The following TOP2B variants were observed in gnomAD, a reference collection of about 807,000 sequenced individuals.
The protein encoded by TOP2B is DNA topoisomerase 2-beta.
TOP2B carries 51 observed loss-of-function variants against 193.5 expected under a neutral mutation model. The ratio of observed to expected loss-of-function variants is 0.26; its 90% confidence interval spans 0.21 to 0.33. The LOEUF (loss-of-function observed/expected upper bound fraction) is 0.33, where lower values mean the gene tolerates loss of function less well. Ranked by LOEUF, TOP2B falls within the 10% of genes least tolerant of loss-of-function variation. The pLI, the probability that TOP2B is intolerant of heterozygous loss-of-function variation, is 1.00. For missense variants in TOP2B, 1,378 were observed against 1,909.3 expected (o/e 0.72, Z 5.19); for synonymous variants, 634 against 635.7 (o/e 1.00, Z 0.04).
Position 25,636,253 on chromosome 3 carries a change from T to C in TOP2B, c.640-105A>G, listed in dbSNP as rs139200586. On this transcript the variant is annotated intron_variant, in intron 6 of 35. Coordinates refer to ENST00000264331, the MANE Select transcript of TOP2B (RefSeq NM_001330700.2). ...TTCATTTATCAAACTATATCAATTT[T>C]ACAACTTCACAACAAACCAAACAAA... 924 of 741,236 alleles carry C rather than the reference T, an allele frequency of 1.2e-3. 20 individuals carry two copies. In the East Asian group the frequency reaches 0.019, roughly 16 times the overall value. 45.9% of individuals were successfully genotyped at this position (741,236 alleles called of 1,614,324 possible). A position where few individuals can be genotyped will look rare whatever the true frequency, so the allele number is the denominator to read the frequency against.
At position 25,648,282 on chromosome 3, in the gene TOP2B, A is replaced by C. The variant is rs546215915; in HGVS notation, c.70-2812T>G. ...GTACTGTAGTTTACTACAGCACGAGACGCCACAAGTAAAGCAGACAAAGAC... is the reference window on the plus strand; with the variant it reads ...GTACTGTAGTTTACTACAGCACGAGCCGCCACAAGTAAAGCAGACAAAGAC... On this transcript the variant is annotated intron_variant, in intron 1 of 35. Coordinates refer to ENST00000264331, the MANE Select transcript of TOP2B (RefSeq NM_001330700.2). 8.5e-4 allele frequency among the ~76,000 whole-genome samples: 130 copies of C among 152,336 alleles called. 1 individual carries two copies. The highest frequency in any genetic ancestry group is 6.8e-3 in the Middle Eastern group (2 of 294).
chr3:25,647,750 A>G (rs115252972), intron 1 of TOP2B, among the ~76,000 whole-genome samples: 2,054 of 152,282 alleles, frequency 0.013, 50 homozygotes, highest in African/African-American at 0.045. Context: ...TACAAAAAAA[A>G]GTTTGAAAGC....
chr3:25,598,243 A>AGAC lies in TOP2B; in HGVS notation c.*61_*63dup, dbSNP rs1287474035. ...AATAAGCCAGATGTACAAAAGTCTG[A>AGAC]GACAGAGAAGACAAAAGGACAACAC... On this transcript the variant is annotated 3_prime_UTR_variant, in exon 36 of 36. Transcript: ENST00000264331. 9.3e-6 allele frequency: 14 copies of AGAC among 1,499,272 alleles called. No individual in the cohort carries two copies. Among genetic ancestry groups the AGAC allele is most frequent in the Non-Finnish European group, 1.1e-5 (12 of 1,109,458 alleles). 92.9% of individuals were successfully genotyped at this position (1,499,272 alleles called of 1,614,324 possible).
chr3:25,611,760 C>A (rs1414053968), intron 28 of TOP2B, among the ~76,000 whole-genome samples: 2 of 151,938 alleles, frequency 1.3e-5, no homozygotes, highest in Non-Finnish European at 2.9e-5. Context: ...AGGACAAACA[C>A]AAGTAAATAG....
In TOP2B at chr3:25,601,191, CTT is replaced by C; in HGVS notation, c.4522_4523del (p.Lys1508GlufsTer15). The part of the protein sequence containing the change: ...KPSSDTVPKP[K>X]RAPKQKKVVE... ...CTACTTTCTTCTGTTTTGGGGCTCTCTTGGGCTTAGGGACTGTATCTGAAGAC... is the reference window on the plus strand; with the variant it reads ...CTACTTTCTTCTGTTTTGGGGCTCTCGGGCTTAGGGACTGTATCTGAAGAC... On this transcript the variant is annotated frameshift_variant, in exon 34 of 36. Transcript: ENST00000264331. LOFTEE classifies it high-confidence loss of function. The C allele has an allele frequency of 6.2e-7, 1 of 1,613,728 alleles. No homozygotes were observed. The highest frequency in any genetic ancestry group is 8.5e-7 in the Non-Finnish European group (1 of 1,179,720).
intron 18 of TOP2B, 62 bp from the exon 19 acceptor site, chr3:25,624,865 A>G (rs1397285986): frequency 1.3e-6 from 2 of 1,509,954 alleles, no homozygotes; most frequent in Admixed American, 2.2e-5. Flanking sequence ...AATTCAGGGG[A>G]ATAAAGCAAA....
intron 5 of TOP2B, among the ~76,000 whole-genome samples, chr3:25,637,833 T>C (rs1198353592): frequency 1.3e-5 from 2 of 151,954 alleles, no homozygotes; most frequent in Admixed American, 6.6e-5. Flanking sequence ...GGAAAACAGT[T>C]TAAAAGTAAC....
At chr3:25,652,915 G>GA (rs368739890) in intron 1 of TOP2B, among the ~76,000 whole-genome samples, 5 of 150,632 alleles carry the variant, frequency 3.3e-5, no homozygotes, top group South Asian at 2.1e-4. Flanking sequence ...GATTACATAA[G>GA]AAAAAAAAGA....
chr3:25,605,628 A>T (rs1212962381), intron 32 of TOP2B, among the ~76,000 whole-genome samples: 5 of 152,122 alleles, frequency 3.3e-5, no homozygotes, highest in African/African-American at 4.8e-5. Flanking sequence ...TGTTCTTATG[A>T]CGGTTTTAAT....
intron 23 of TOP2B, 138 bp from the exon 24 acceptor site, chr3:25,618,987 C>T: frequency 1.8e-6 from 1 of 566,610 alleles, no homozygotes; most frequent in South Asian, 5.1e-5. Context: ...CCCTAAAAAC[C>T]ATTAAACAGA....
rs1373816603 is a variant in TOP2B at position 25,598,094 on chromosome 3, A to G, written c.*213T>C. ...CACGGCAGTCTATAACAATTCTACA[A>G]GCCAATCAGACAGTACGTGACATTT... On this transcript the variant is annotated 3_prime_UTR_variant, in exon 36 of 36. Coordinates refer to ENST00000264331, the MANE Select transcript of TOP2B (RefSeq NM_001330700.2). 1 of 395,234 alleles carries G rather than the reference A, an allele frequency of 2.5e-6. No homozygotes were observed. The highest frequency in any genetic ancestry group is 4.4e-6 in the Non-Finnish European group (1 of 225,392). 24.5% of individuals were successfully genotyped at this position (395,234 alleles called of 1,614,324 possible). A position where few individuals can be genotyped will look rare whatever the true frequency, so the allele number is the denominator to read the frequency against.
chr3:25,659,978 A>C (rs1703861615), intron 1 of TOP2B, among the ~76,000 whole-genome samples: 1 of 152,212 alleles, frequency 6.6e-6, no homozygotes, highest in African/African-American at 2.4e-5. Flanking sequence ...ACTTTTCGTT[A>C]AAATGGGGTT....
chr3:25,647,954 C>T (rs1703458126), intron 1 of TOP2B, among the ~76,000 whole-genome samples: 1 of 152,296 alleles, frequency 6.6e-6, no homozygotes, highest in South Asian at 2.1e-4. Context: ...GTTCCAGCAC[C>T]CCAGGTGAGC....
At chr3:25,620,499 G>A (rs1159404455) in intron 22 of TOP2B, among the ~76,000 whole-genome samples, 183 bp downstream of exon 22, 1 of 151,906 alleles carries the variant, frequency 6.6e-6, no homozygotes, top group African/African-American at 2.4e-5. Flanking sequence ...GTCATACTAC[G>A]CTACTTAGAT....
intron 1 of TOP2B, among the ~76,000 whole-genome samples, chr3:25,654,694 C>A (rs896361716): frequency 1.3e-5 from 2 of 152,102 alleles, no homozygotes; most frequent in Admixed American, 1.3e-4. Context: ...GATTTTACTA[C>A]AGAACAACAG....
At chr3:25,630,559 TGACA>T in intron 11 of TOP2B, 90 bp from the exon 12 acceptor site, 1 of 1,094,012 alleles carries the variant, frequency 9.1e-7, no homozygotes, top group Non-Finnish European at 1.3e-6. Flanking sequence ...ATTAGAATGC[TGACA>T]GTGAAAGACT....
intron 4 of TOP2B, among the ~76,000 whole-genome samples, chr3:25,638,815 C>A (rs1489917066): frequency 1.3e-5 from 2 of 152,082 alleles, no homozygotes; most frequent in African/African-American, 4.8e-5. Context: ...CAATCTGTAT[C>A]ATTTCTCAGA....
Position 25,618,645 on chromosome 3 carries a change from G to A in TOP2B, c.3259+9C>T. The A allele has an allele frequency of 6.3e-7, 1 of 1,591,088 alleles. No homozygotes were observed. The highest frequency in any genetic ancestry group is 8.5e-7 in the Non-Finnish European group (1 of 1,171,690). On this transcript the variant is annotated intron_variant, in intron 24 of 35. Coordinates refer to ENST00000264331, the MANE Select transcript of TOP2B (RefSeq NM_001330700.2). ...ACTAATGTTCAAATTTTTAAAGGTT[G>A]TATCTTACCTATAGTAATTTTCCCT...
intron 2 of TOP2B, among the ~76,000 whole-genome samples, chr3:25,644,476 G>C (rs546875388): frequency 6.6e-6 from 1 of 152,152 alleles, no homozygotes; most frequent in South Asian, 2.1e-4. Context: ...CAAGGTGGAT[G>C]GATCACCTGA....
Sources: allele counts gnomAD v4.1 joint callset (sites outside exome capture counted in the v4.1 genomes callset), GRCh38; gene constraint gnomAD v4.1.1; transcripts MANE v1.5; gene names NCBI Gene and HGNC (gene_info 2026-07-23, HGNC 2026-07-21).